The following PTK2 variants were observed in gnomAD, a reference collection of about 807,000 sequenced individuals.
The protein encoded by PTK2 is protein tyrosine kinase 2.
In PTK2, 45 loss-of-function variants were observed where a neutral mutation model predicts 150.1. The ratio of observed to expected loss-of-function variants is 0.30; its 90% confidence interval spans 0.24 to 0.38. PTK2 has a LOEUF of 0.38. Among genes scored for constraint, PTK2 ranks in the 10% least tolerant of loss-of-function variants. The pLI, the probability that PTK2 is intolerant of heterozygous loss-of-function variation, is 1.00. For missense variants in PTK2, 919 were observed against 1,307.3 expected, an observed-to-expected ratio of 0.70 and a Z score of 4.58; for synonymous variants, 432 against 449.2, an observed-to-expected ratio of 0.96 and a Z score of 0.48.
intron 2 of PTK2, among the ~76,000 whole-genome samples, chr8:140,894,543 G>A (rs2100155392): frequency 6.6e-6 from 1 of 152,174 alleles, no homozygotes. Flanking sequence ...CTATGAATCT[G>A]CTGGGGGAAA....
At chr8:140,995,159 T>C (rs1032322727) in intron 1 of PTK2, among the ~76,000 whole-genome samples, 1 of 149,544 alleles carries the variant, frequency 6.7e-6, no homozygotes, top group African/African-American at 2.5e-5. Context: ...GGTGGGTGGA[T>C]CACAAGATAA....
Position 140,702,556 on chromosome 8 carries a change from G to A in PTK2, c.2367+14C>T, listed in dbSNP as rs2100031236. The A allele has an allele frequency of 3.1e-6, 5 of 1,612,408 alleles. No homozygotes were observed. Among genetic ancestry groups the A allele is most frequent in the Non-Finnish European group, 2.5e-6 (3 of 1,179,322 alleles). ...TATAAGTTAACAAACTGAAGCCCAA[G>A]ACACCCGATTTACCTCCACATTGGG... On this transcript the variant is annotated intron_variant, in intron 25 of 31. Transcript: ENST00000522684.
chr8:140,950,832 T>C lies in PTK2; in HGVS notation c.-121-25083A>G, dbSNP rs144777761. Among the ~76,000 whole-genome samples, 335 of 152,206 alleles carry C rather than the reference T, an allele frequency of 2.2e-3. 1 individual carries two copies. The highest frequency in any genetic ancestry group is 7.5e-3 in the African/African-American group (310 of 41,520). ...TTAACTGTATATGAGAGGACATACA[T>C]AGGTTATATGCAAATATTGCACTAT... On this transcript the variant is annotated intron_variant, in intron 1 of 31. Transcript: ENST00000522684.
At chr8:140,976,293 T>A (rs1197955355) in intron 1 of PTK2, among the ~76,000 whole-genome samples, 2 of 152,198 alleles carry the variant, frequency 1.3e-5, no homozygotes, top group Non-Finnish European at 2.9e-5. Context: ...GACACTTCAA[T>A]TACTAATGCC....
intron 22 of PTK2, among the ~76,000 whole-genome samples, chr8:140,722,651 A>G (rs1436008191): frequency 6.6e-6 from 1 of 152,154 alleles, no homozygotes; most frequent in African/African-American, 2.4e-5. Flanking sequence ...AGGAGCAAAG[A>G]AGGCCTAGCT....
At chr8:140,934,303 G>A (rs2100172889) in intron 1 of PTK2, among the ~76,000 whole-genome samples, 1 of 152,138 alleles carries the variant, frequency 6.6e-6, no homozygotes, top group Non-Finnish European at 1.5e-5. Flanking sequence ...AGCTACTCAG[G>A]AGGCTGAGGC....
chr8:140,979,645 G>T (rs539247527), intron 1 of PTK2, among the ~76,000 whole-genome samples: 1 of 152,324 alleles, frequency 6.6e-6, no homozygotes, highest in African/African-American at 2.4e-5. Flanking sequence ...ATCTCATCTT[G>T]AATTGTAGCT....
intron 17 of PTK2, chr8:140,751,879 A>AGG (rs745728191): frequency 1.9e-6 from 1 of 526,134 alleles, no homozygotes; most frequent in Non-Finnish European, 3.8e-6. Flanking sequence ...CCATCAGGGC[A>AGG]GGGACTGTGT....
intron 1 of PTK2, chr8:140,948,785 T>C (rs997093935): frequency 4.6e-5 from 7 of 152,334 alleles, no homozygotes; most frequent in Admixed American, 1.3e-4. Context: ...CTGATGCTTT[T>C]CTTGTCATTA....
intron 1 of PTK2, among the ~76,000 whole-genome samples, chr8:140,969,862 T>C (rs899266853): frequency 3.3e-5 from 5 of 152,194 alleles, no homozygotes; most frequent in East Asian, 1.9e-4. Context: ...CTGTGTGACA[T>C]AGGGAAGCCA....
chr8:140,760,916 T>C (rs2100069060), intron 16 of PTK2, among the ~76,000 whole-genome samples: 1 of 152,164 alleles, frequency 6.6e-6, no homozygotes, highest in Non-Finnish European at 1.5e-5. Context: ...CTATAAAAAC[T>C]GTTACTGATG....
chr8:140,958,470 C>T (rs1259247216), intron 1 of PTK2, among the ~76,000 whole-genome samples: 1 of 152,072 alleles, frequency 6.6e-6, no homozygotes. Flanking sequence ...ATATGATGTC[C>T]TAACTTTAAT....
At chr8:140,952,504 T>C (rs1304581686) in intron 1 of PTK2, among the ~76,000 whole-genome samples, 1 of 152,074 alleles carries the variant, frequency 6.6e-6, no homozygotes, top group South Asian at 2.1e-4. Context: ...CACTAACACC[T>C]AGAAATAGAT....
chr8:140,851,204 T>G (rs540145644), intron 5 of PTK2, among the ~76,000 whole-genome samples: 1 of 152,328 alleles, frequency 6.6e-6, no homozygotes, highest in South Asian at 2.1e-4. Flanking sequence ...AGCTCCAAAT[T>G]AATACTAACT....
intron 2 of PTK2, among the ~76,000 whole-genome samples, chr8:140,914,295 G>A (rs1186745418): frequency 6.6e-6 from 1 of 151,780 alleles, no homozygotes; most frequent in African/African-American, 2.4e-5. Flanking sequence ...AAAAAATACA[G>A]AAAACCATTG....
intron 27 of PTK2, among the ~76,000 whole-genome samples, chr8:140,684,654 G>A (rs1417345435): frequency 6.6e-6 from 1 of 152,174 alleles, no homozygotes; most frequent in African/African-American, 2.4e-5. Flanking sequence ...GCTAACCAGG[G>A]AGGTGAAAGA....
chr8:140,961,905 G>A (rs2100183328), intron 1 of PTK2, among the ~76,000 whole-genome samples: 1 of 152,048 alleles, frequency 6.6e-6, no homozygotes, highest in Non-Finnish European at 1.5e-5. Context: ...GAGTGGTGGT[G>A]TTTTAGGAAA....
chr8:140,707,532 A>G (rs1316709097), intron 23 of PTK2, among the ~76,000 whole-genome samples: 1 of 127,572 alleles, frequency 7.8e-6, no homozygotes, highest in Non-Finnish European at 1.7e-5. Context: ...CAGCCTCTCA[A>G]GTAGCTGGGA....
chr8:140,923,213 T>G (rs1385154330), intron 2 of PTK2, among the ~76,000 whole-genome samples: 2 of 152,064 alleles, frequency 1.3e-5, no homozygotes, highest in African/African-American at 4.8e-5. Context: ...GAGACCAAGG[T>G]GACTAAGTAG....
Sources: allele counts gnomAD v4.1 joint callset (sites outside exome capture counted in the v4.1 genomes callset), GRCh38; gene constraint gnomAD v4.1.1; transcripts MANE v1.5; gene names NCBI Gene and HGNC (gene_info 2026-07-23, HGNC 2026-07-21).